Variants in HSPA14 observed in about 807,000 individuals in gnomAD.
HSPA14 encodes heat shock protein family A (Hsp70) member 14.
In HSPA14, 37 loss-of-function variants were observed where a neutral mutation model predicts 65.5. The ratio of observed to expected loss-of-function variants is 0.56; its 90% CI spans 0.43 to 0.74. HSPA14 has a LOEUF of 0.74. Ranked by LOEUF, HSPA14 falls within the 30% of genes least tolerant of loss-of-function variation. The probability of loss-of-function intolerance (pLI) is 0.00; values close to 1 mark genes in which losing one functional copy is unlikely to be tolerated. For synonymous variants in HSPA14, 203 were observed against 214.2 expected (o/e 0.95, Z 0.46); for missense variants, 564 against 607.6 (o/e 0.93, Z 0.75).
At chr10:14,851,363 G>A (rs1834107653) in intron 7 of HSPA14, 40 bp downstream of exon 7, 2 of 1,109,164 alleles carry the variant, frequency 1.8e-6, no homozygotes, top group Middle Eastern at 2.0e-4. Context: ...TTTGAGTGCA[G>A]AAAACATTTT....
intron 9 of HSPA14, 100 bp downstream of exon 9, chr10:14,854,380 T>C (rs1208609257): frequency 4.2e-6 from 4 of 962,380 alleles, no homozygotes; most frequent in Non-Finnish European, 3.1e-6. Flanking sequence ...TTGTTTGAGA[T>C]TTATCAACCA....
Position 14,840,036 on chromosome 10 carries a change from A to C in HSPA14, c.139-39A>C, listed in dbSNP as rs561777168. 222 of 1,329,890 alleles carry C rather than the reference A, an allele frequency of 1.7e-4. 3 individuals are homozygous for C. In the South Asian group the frequency reaches 2.9e-3, roughly 18 times the overall value. 82.4% of individuals were successfully genotyped at this position (1,329,890 alleles called of 1,614,324 possible). A position where few individuals can be genotyped will look rare whatever the true frequency, so the allele number is the denominator to read the frequency against. The stretch of plus-strand genomic sequence containing the variant: ...TCTGAAATAATTTAAAATTACATAC[A>C]TTGTAATATATATATATATATATTA... On this transcript the variant is annotated intron_variant, in intron 2 of 13. Coordinates refer to ENST00000378372, the MANE Select transcript of HSPA14 (RefSeq NM_016299.4).
intron 3 of HSPA14, among the ~76,000 whole-genome samples, chr10:14,843,142 G>A (rs1196519531): frequency 6.6e-6 from 1 of 152,174 alleles, no homozygotes; most frequent in African/African-American, 2.4e-5. Flanking sequence ...AGAGTGGGTT[G>A]GATAGCTATG....
intron 10 of HSPA14, among the ~76,000 whole-genome samples, chr10:14,863,361 C>G (rs1832773593): frequency 6.6e-6 from 1 of 152,112 alleles, no homozygotes; most frequent in Admixed American, 6.5e-5. Context: ...AAAGGAGTGC[C>G]TTAGCTACTT....
chr10:14,842,240 C>G lies in HSPA14; in HGVS notation c.221+2083C>G. 6.5e-7 allele frequency: 1 copy of G among 1,535,640 alleles called. No homozygotes were observed. The highest frequency in any genetic ancestry group is 2.0e-5 in the Admixed American group (1 of 51,000). On this transcript the variant is annotated intron_variant, in intron 3 of 13. Coordinates refer to ENST00000378372, the MANE Select transcript of HSPA14 (RefSeq NM_016299.4). This position sits in a 1 kb window ranked among gnomAD's most constrained non-coding sequence, Gnocchi z 5.2. The stretch of plus-strand genomic sequence containing the variant: ...GAGCTTCCCCACACCTTCAGACTTG[C>G]ACCTTGCTGTCCAGAAGCTGCCTAG...
At chr10:14,850,213 A>G (rs1369756313) in intron 6 of HSPA14, among the ~76,000 whole-genome samples, 1 of 151,704 alleles carries the variant, frequency 6.6e-6, no homozygotes, top group Non-Finnish European at 1.5e-5. Flanking sequence ...TGGAGGTTGC[A>G]GTGAGCCAAA....
At chr10:14,843,233 G>T (rs972506919) in intron 3 of HSPA14, 5 of 1,073,194 alleles carry the variant, frequency 4.7e-6, no homozygotes, top group African/African-American at 1.6e-5. Flanking sequence ...TAAGGAAATG[G>T]ATTCTTCCCA....
At chr10:14,869,726 G>T (rs957750764) in intron 12 of HSPA14, among the ~76,000 whole-genome samples, 2 of 152,158 alleles carry the variant, frequency 1.3e-5, no homozygotes, top group Admixed American at 1.3e-4. Context: ...ACATGAATTG[G>T]TTTGTGTGTG....
At chr10:14,852,902 T>C (rs7894284) in intron 8 of HSPA14, among the ~76,000 whole-genome samples, 31,381 of 152,166 alleles carry the variant, frequency 0.21, 3,401 homozygotes, top group East Asian at 0.28. Flanking sequence ...CTGGTGAAGA[T>C]TGCATTATGT....
In HSPA14 at chr10:14,871,696, A is replaced by G. The variant is rs2131655918; in HGVS notation, c.*90A>G. On this transcript the variant is annotated 3_prime_UTR_variant, in exon 14 of 14. Transcript: ENST00000378372. ...GTGTTTGTATTAAAATACTTTTTCAATGAACTGTATAAACTATGTTTTATT... is the reference window on the plus strand; with the variant it reads ...GTGTTTGTATTAAAATACTTTTTCAGTGAACTGTATAAACTATGTTTTATT... The G allele has an allele frequency of 1.5e-6, 1 of 661,158 alleles. No individual in the cohort carries two copies. The highest frequency in any genetic ancestry group is 1.9e-5 in the African/African-American group (1 of 54,008). 41.0% of individuals were successfully genotyped at this position (661,158 alleles called of 1,614,324 possible).
rs140243251 is a variant in HSPA14 at position 14,840,041 on chromosome 10, A to AAT, written c.139-17_139-16dup. The AAT allele has an allele frequency of 6.6e-3, 7,699 of 1,175,318 alleles. 4 individuals carry two copies. Among genetic ancestry groups the AAT allele is most frequent in the Non-Finnish European group, 7.7e-3 (6,656 of 861,238 alleles). 72.8% of individuals were successfully genotyped at this position (1,175,318 alleles called of 1,614,324 possible). A position where few individuals can be genotyped will look rare whatever the true frequency, so the allele number is the denominator to read the frequency against. ...AATAATTTAAAATTACATACATTGT[A>AAT]ATATATATATATATATATTATTTTT... On this transcript the variant is annotated intron_variant, in intron 2 of 13. Transcript: ENST00000378372.
intron 3 of HSPA14, chr10:14,846,128 C>T: frequency 1.0e-6 from 1 of 970,582 alleles, no homozygotes; most frequent in Non-Finnish European, 1.2e-6. Flanking sequence ...AGACTCTTTA[C>T]TTTAAAAGAG....
chr10:14,842,879 C>A lies in HSPA14; in HGVS notation c.221+2722C>A. The A allele has an allele frequency of 7.0e-7, 1 of 1,422,356 alleles. No individual in the cohort carries two copies. The highest frequency in any genetic ancestry group is 1.3e-5 in the South Asian group (1 of 75,312). The allele number at this position is 1,422,356 out of a possible 1,614,324, so 88.1% of individuals were successfully genotyped here. On this transcript the variant is annotated intron_variant, in intron 3 of 13. Coordinates refer to ENST00000378372, the MANE Select transcript of HSPA14 (RefSeq NM_016299.4). This position sits in a 1 kb window ranked among gnomAD's most constrained non-coding sequence, Gnocchi z 5.2. ...CCAAGCATGTGAAGGAGTTGGGTCCCAGAGTCTTGTGGCTCTAAACATTTA... is the reference window on the plus strand; with the variant it reads ...CCAAGCATGTGAAGGAGTTGGGTCCAAGAGTCTTGTGGCTCTAAACATTTA...
chr10:14,844,643 TGCCAGGGAGCC>T, intron 3 of HSPA14: 1 of 984,592 alleles, frequency 1.0e-6, no homozygotes, highest in Non-Finnish European at 1.2e-6. Flanking sequence ...AAATAAGAAG[TGCCAGGGAGCC>T]GCCATTGTGT....
At chr10:14,859,056 G>C (rs887015657) in intron 10 of HSPA14, among the ~76,000 whole-genome samples, 1 of 152,148 alleles carries the variant, frequency 6.6e-6, no homozygotes, top group Non-Finnish European at 1.5e-5. Context: ...TCTGGCCTGA[G>C]AGCAGAGAGC....
In HSPA14 at chr10:14,846,930, A is replaced by G. The variant is rs915288353; in HGVS notation, c.222-1679A>G. ...TGTAAATAAGGTGCTATGTATACCA[A>G]CTTCTCACCACCTTTGTTTTTCTGT... On this transcript the variant is annotated intron_variant, in intron 3 of 13. Coordinates refer to ENST00000378372, the MANE Select transcript of HSPA14 (RefSeq NM_016299.4). 14 of 985,346 alleles carry G rather than the reference A, an allele frequency of 1.4e-5. No individual in the cohort carries two copies. The African/African-American group carries it at 2.3e-4, about 16-fold the overall frequency. The allele number at this position is 985,346 out of a possible 1,614,324, so 61.0% of individuals were successfully genotyped here.
At chr10:14,841,451 A>G (rs1429177514) in intron 3 of HSPA14, among the ~76,000 whole-genome samples, 6 of 152,330 alleles carry the variant, frequency 3.9e-5, no homozygotes, top group South Asian at 2.1e-4. Flanking sequence ...GAAATAATAC[A>G]GAGACATCAA....
Position 14,851,313 on chromosome 10 carries a change from A to G in HSPA14, c.562A>G (p.Thr188Ala), listed in dbSNP as rs969243456. 1 of 1,593,830 alleles carries G rather than the reference A, an allele frequency of 6.3e-7. No homozygotes were observed. Among genetic ancestry groups the G allele is most frequent in the Admixed American group, 1.7e-5 (1 of 59,388 alleles). The change falls in exon 7 of 14, where the codon ACT (threonine) becomes GCT (alanine). Residue 188 changes from threonine (T) to alanine (A), a missense_variant. By Grantham distance (58) the Thr-to-Ala change is moderately conservative. Transcript: ENST00000378372. ...LAYGIGQDSP[T>A]GKSNILVFKL... Reference sequence around the variant, plus strand: ...TTATGGAATTGGACAAGACTCCCCTACTGGAAAAAGGTAAAGATCATATTT... The same window carrying G: ...TTATGGAATTGGACAAGACTCCCCTGCTGGAAAAAGGTAAAGATCATATTT...
At chr10:14,848,019 C>T (rs1314425949) in intron 3 of HSPA14, among the ~76,000 whole-genome samples, 1 of 152,184 alleles carries the variant, frequency 6.6e-6, no homozygotes, top group East Asian at 1.9e-4. Flanking sequence ...CCAAACACAC[C>T]CCACTTAGGT....
Sources: gnomAD v4.1 joint callset for allele counts (sites outside exome capture counted in the v4.1 genomes callset) on GRCh38, gnomAD v4.1.1 for gene constraint, Gnocchi (gnomAD v3.1) non-coding constraint, MANE v1.5 for transcripts, NCBI Gene and HGNC (gene_info 2026-07-23, HGNC 2026-07-21) for gene names.